Variants in KCNC4 observed in about 807,000 individuals in gnomAD.
The protein encoded by KCNC4 is voltage-gated potassium channel KCNC4.
Under a neutral mutation model 42.8 loss-of-function variants are expected in KCNC4, and 23 were observed. The ratio of observed to expected loss-of-function variants is 0.54; its 90% CI spans 0.39 to 0.76. KCNC4 has a LOEUF of 0.76. KCNC4 is among the 30% of genes least tolerant of loss of function. The pLI is 0.00. For synonymous variants in KCNC4, 422 were observed against 393.5 expected (o/e 1.07, Z -0.86); for missense variants, 751 against 898.2 (o/e 0.84, Z 2.10).
chr1:110,237,094 G>C (rs1328878076), downstream of KCNC4: 3 of 151,860 alleles, frequency 2.0e-5, no homozygotes, highest in African/African-American at 7.3e-5. Flanking sequence ...GATTGCTTGA[G>C]GCCAGAAGTT....
At chr1:110,265,491 C>A (rs1246801654) in intron 1 of KCNC4, among the ~76,000 whole-genome samples, 3 of 152,130 alleles carry the variant, frequency 2.0e-5, no homozygotes, top group Non-Finnish European at 4.4e-5. Context: ...CCCAAAGGAG[C>A]TTTTAGAGAG....
Position 110,211,686 on chromosome 1 carries a change from G to T in KCNC4, c.187G>T (p.Ala63Ser). 6.2e-7 allele frequency: 1 copy of T among 1,611,104 alleles called. No individual in the cohort carries two copies. The highest frequency in any genetic ancestry group is 8.5e-7 in the Non-Finnish European group (1 of 1,178,758). Residue 63 changes from alanine (A) to serine (S), a missense_variant, in exon 1 of 4, where the codon GCC (alanine) becomes TCC (serine). This residue lies in a region of KCNC4 where 183 missense variants were observed against 255.8 expected (regional missense o/e 0.72). Coordinates refer to ENST00000438661, the MANE Select transcript of KCNC4 (RefSeq NM_001039574.3). This position sits in a 1 kb window ranked among gnomAD's most constrained non-coding sequence, Gnocchi z 6.5. ...GCGCACCCTACCGGGAACCCGCCTC[G>T]CCTGGCTGGCCGACCCCGACGGCGG... ...TLRTLPGTRL[A>S]WLADPDGGGR...
At chr1:110,234,386 T>C (rs916782706), downstream of KCNC4, 23 of 152,152 alleles carry the variant, frequency 1.5e-4, no homozygotes, top group African/African-American at 4.8e-4. Flanking sequence ...CCTCCCCTCC[T>C]CCCTGCAATT....
intron 3 of KCNC4, among the ~76,000 whole-genome samples, chr1:110,229,385 G>A (rs910539399): frequency 3.3e-5 from 5 of 152,168 alleles, no homozygotes; most frequent in Admixed American, 1.3e-4. Context: ...CTGCCTAGGC[G>A]AGGGAGGCCC....
At chr1:110,274,868 A>G (rs1427519760) in intron 1 of KCNC4, among the ~76,000 whole-genome samples, 1 of 152,212 alleles carries the variant, frequency 6.6e-6, no homozygotes, top group Non-Finnish European at 1.5e-5. Context: ...TCAATTCAAG[A>G]TGGATAAATA....
At chr1:110,260,676 C>A (rs949912631) in intron 1 of KCNC4, among the ~76,000 whole-genome samples, 8 of 152,150 alleles carry the variant, frequency 5.3e-5, no homozygotes, top group Non-Finnish European at 1.2e-4. Context: ...ATTTAAAAAA[C>A]AATTGTCTCT....
At chr1:110,219,016 C>T (rs1304829258) in intron 1 of KCNC4, among the ~76,000 whole-genome samples, 5 of 152,304 alleles carry the variant, frequency 3.3e-5, no homozygotes, top group Admixed American at 6.5e-5. Flanking sequence ...CAGTTTTCTA[C>T]TTGGGAAGTT....
chr1:110,249,682 A>G (rs1325199782), downstream of KCNC4, among the ~76,000 whole-genome samples: 1 of 152,232 alleles, frequency 6.6e-6, no homozygotes, highest in Non-Finnish European at 1.5e-5. Flanking sequence ...CCTTAAAAGA[A>G]AAGAGAAATT....
Position 110,211,895 on chromosome 1 carries a change from C to T in KCNC4, c.396C>T (p.Phe132=), listed in dbSNP as rs771600241. Residue 132 remains phenylalanine, a synonymous_variant, in exon 1 of 4, where the codon TTC becomes TTT. Transcript: ENST00000438661. This position sits in a 1 kb window ranked among gnomAD's most constrained non-coding sequence, Gnocchi z 6.5. ...CGPLFEEELT[F]WGIDETDVEP... ...CGCTCTTCGAAGAGGAGCTCACCTT[C>T]TGGGGCATCGACGAGACCGACGTGG... 1 of 1,611,684 alleles carries T rather than the reference C, an allele frequency of 6.2e-7. No individual in the cohort carries two copies. Among genetic ancestry groups the T allele is most frequent in the East Asian group, 2.2e-5 (1 of 44,852 alleles).
chr1:110,216,651 CTTGAGGG>C (rs1657810048), intron 1 of KCNC4, among the ~76,000 whole-genome samples: 1 of 152,158 alleles, frequency 6.6e-6, no homozygotes, highest in Admixed American at 6.5e-5. Context: ...GCAGCTTGGC[CTTGAGGG>C]TAGGAGACCC....
chr1:110,211,758 A>G lies in KCNC4; in HGVS notation c.259A>G (p.Ser87Gly). ...CGGCGGTGTGGGTAGCAGCGGCAGC[A>G]GCGGCGGCGGGGGCTGCGAGTTCTT... is the stretch of plus-strand genomic sequence containing the variant. ...DGGGVGSSGS[S>G]GGGGCEFFFD... Residue 87 changes from serine (S) to glycine (G), a missense_variant, in exon 1 of 4, where the codon AGC (serine) becomes GGC (glycine). Ser to Gly is a moderately conservative substitution (Grantham distance 56). Coordinates refer to ENST00000438661, the MANE Select transcript of KCNC4 (RefSeq NM_001039574.3). The surrounding 1 kb of genome is among the most constrained non-coding windows in gnomAD (Gnocchi z 6.5). 6.2e-7 allele frequency: 1 copy of G among 1,609,560 alleles called. No individual in the cohort carries two copies. Among genetic ancestry groups the G allele is most frequent in the Non-Finnish European group, 8.5e-7 (1 of 1,178,916 alleles).
intron 1 of KCNC4, among the ~76,000 whole-genome samples, chr1:110,213,903 A>G (rs916478111): frequency 4.6e-5 from 7 of 152,174 alleles, no homozygotes; most frequent in Non-Finnish European, 7.4e-5. Context: ...GGGACAAACC[A>G]GGGAAGCAGG....
At chr1:110,213,597 GGGCTGCAGGCAGCCAC>G (rs1212002930) in intron 1 of KCNC4, among the ~76,000 whole-genome samples, 3 of 152,224 alleles carry the variant, frequency 2.0e-5, no homozygotes, top group African/African-American at 7.2e-5. Flanking sequence ...TACCGGGCTG[GGGCTGCAGGCAGCCAC>G]GAGAAGGCAG....
chr1:110,217,218 A>G (rs1657846135), intron 1 of KCNC4, among the ~76,000 whole-genome samples: 1 of 152,132 alleles, frequency 6.6e-6, no homozygotes, highest in Admixed American at 6.5e-5. Context: ...GTCGTAAGAA[A>G]ATAAAGTTCA....
At chr1:110,256,035 G>A (rs866730075) in intron 1 of KCNC4, among the ~76,000 whole-genome samples, 1 of 152,210 alleles carries the variant, frequency 6.6e-6, no homozygotes, top group Non-Finnish European at 1.5e-5. Context: ...AAGCTCTGCA[G>A]GAGGCTGGGG....
intron 3 of KCNC4, among the ~76,000 whole-genome samples, chr1:110,227,167 C>T (rs1488147781): frequency 6.6e-6 from 1 of 152,228 alleles, no homozygotes; most frequent in South Asian, 2.1e-4. Flanking sequence ...TCCCATCCCC[C>T]ACTTCCCTCT....
In KCNC4 at chr1:110,233,392, G is replaced by A. The variant is rs1018776813; in HGVS notation, c.*420G>A. The A allele has an allele frequency of 7.2e-5, 18 of 248,320 alleles. No homozygotes were observed. The highest frequency in any genetic ancestry group is 3.6e-4 in the African/African-American group (16 of 44,090). The allele number at this position is 248,320 out of a possible 1,614,324, so 15.4% of individuals were successfully genotyped here. A position where few individuals can be genotyped will look rare whatever the true frequency, so the allele number is the denominator to read the frequency against. ...ATCTGGGAATTGCCAGTCCAGCTGG[G>A]TAGTCCCAGGCTCCTGTCTTGGGGA... On this transcript the variant is annotated 3_prime_UTR_variant, in exon 4 of 4. Coordinates refer to ENST00000438661, the MANE Select transcript of KCNC4 (RefSeq NM_001039574.3).
rs1014325390 is a variant in KCNC4 at position 110,210,821 on chromosome 1, C to G, written c.-679C>G. Among the ~76,000 whole-genome samples the G allele has an allele frequency of 6.6e-6, 1 of 151,910 alleles. No homozygotes were observed. Among genetic ancestry groups the G allele is most frequent in the Non-Finnish European group, 1.5e-5 (1 of 67,936 alleles). On this transcript the variant is annotated 5_prime_UTR_variant, in exon 1 of 4. Transcript: ENST00000438661. Reference sequence around the variant, plus strand: ...CTGCCGCCTCGCCCTGCGCAGCCCCCGCCCGCCCGGCCGCCGCTCTCTGCT... The same window carrying G: ...CTGCCGCCTCGCCCTGCGCAGCCCCGGCCCGCCCGGCCGCCGCTCTCTGCT...
downstream of KCNC4, chr1:110,237,034 A>G (rs1272795655): frequency 6.6e-6 from 1 of 152,144 alleles, no homozygotes; most frequent in African/African-American, 2.4e-5. Flanking sequence ...ACTGCCAGTC[A>G]TGGTGGCTCA....
Sources: gnomAD v4.1 joint callset for allele counts (sites outside exome capture counted in the v4.1 genomes callset) on GRCh38, gnomAD v4.1.1 for gene constraint, gnomAD v4.1.1 regional missense constraint, Gnocchi (gnomAD v3.1) non-coding constraint, MANE v1.5 for transcripts, NCBI Gene and HGNC (gene_info 2026-07-23, HGNC 2026-07-21) for gene names.